TUSC3: variants seen among roughly 807,000 people sequenced by gnomAD.
The protein encoded by TUSC3 is tumor suppressor candidate 3.
Under a neutral mutation model 44.8 loss-of-function variants are expected in TUSC3, and 45 were observed. The observed-to-expected ratio is 1.00, with a 90% CI of 0.79 to 1.29. TUSC3 has a LOEUF of 1.29. Ranked by LOEUF, TUSC3 falls within the 50% of genes most tolerant of loss-of-function variation. TUSC3 has a pLI of 0.00. For synonymous variants in TUSC3, 212 were observed against 152.9 expected (o/e 1.39, Z -2.85); for missense variants, 519 against 437.9 (o/e 1.19, Z -1.65).
intron 6 of TUSC3, among the ~76,000 whole-genome samples, chr8:15,719,533 C>T (rs960890940): frequency 1.1e-4 from 17 of 147,898 alleles, no homozygotes; most frequent in Non-Finnish European, 2.1e-4. Context: ...CACACACACA[C>T]ACACACACAC....
At chr8:15,460,742 C>T (rs1238352643) in intron 1 of TUSC3, among the ~76,000 whole-genome samples, 2 of 152,146 alleles carry the variant, frequency 1.3e-5, no homozygotes, top group Non-Finnish European at 2.9e-5. Context: ...CATTCTCCTA[C>T]ATGTGGTTAG....
chr8:15,656,006 C>A (rs1413756449), intron 3 of TUSC3, among the ~76,000 whole-genome samples: 1 of 152,086 alleles, frequency 6.6e-6, no homozygotes, highest in East Asian at 1.9e-4. Flanking sequence ...TAACCATTGT[C>A]TTAGTTCATT....
At chr8:15,576,292 AT>A (rs1296664535) in intron 1 of TUSC3, among the ~76,000 whole-genome samples, 4 of 70,112 alleles carry the variant, frequency 5.7e-5, no homozygotes, top group African/African-American at 1.5e-4. Flanking sequence ...TTTTTTTTTT[AT>A]TTTTTTATTT....
chr8:15,824,675 G>C, the TUSC3 span, among the ~76,000 whole-genome samples: 1 of 152,200 alleles, frequency 6.6e-6, no homozygotes, highest in African/African-American at 2.4e-5. Flanking sequence ...GAGTTAATGG[G>C]TGCAGCACAC....
At chr8:15,583,416 T>C (rs950445417) in intron 1 of TUSC3, among the ~76,000 whole-genome samples, 5 of 152,178 alleles carry the variant, frequency 3.3e-5, no homozygotes, top group Non-Finnish European at 7.3e-5. Flanking sequence ...AAAATCCTGC[T>C]ACATGAGGAT....
At chr8:15,613,715 T>C (rs1804861347) in intron 1 of TUSC3, among the ~76,000 whole-genome samples, 2 of 152,206 alleles carry the variant, frequency 1.3e-5, no homozygotes, top group South Asian at 2.1e-4. Context: ...CAAATACATA[T>C]AGCATTATCT....
chr8:15,581,801 G>C (rs577327292), intron 1 of TUSC3, among the ~76,000 whole-genome samples: 19 of 134,004 alleles, frequency 1.4e-4, no homozygotes, highest in African/African-American at 6.0e-4. Context: ...CAGAGGTGGA[G>C]CCTACAGAGG....
At chr8:15,812,149 C>T in the TUSC3 span, among the ~76,000 whole-genome samples, 2 of 152,146 alleles carry the variant, frequency 1.3e-5, no homozygotes, top group Non-Finnish European at 2.9e-5. Flanking sequence ...CATTAAAGTG[C>T]ATCTTAAGTT....
At chr8:15,622,722 C>G (rs1309051945) in intron 1 of TUSC3, among the ~76,000 whole-genome samples, 4 of 152,160 alleles carry the variant, frequency 2.6e-5, no homozygotes, top group African/African-American at 7.2e-5. Flanking sequence ...TGATGTTTGG[C>G]TAGACTAGAG....
At chr8:15,806,987 C>A in the TUSC3 span, 1 of 1,460,604 alleles carries the variant, frequency 6.8e-7, no homozygotes, top group Non-Finnish European at 9.6e-7. Context: ...GTTCTGATTC[C>A]ATTCTTTACA....
At position 15,520,673 on chromosome 8, in the gene TUSC3, T is replaced by C. The variant is rs79946558; in HGVS notation, n.189+37190T>C. Among the ~76,000 whole-genome samples the C allele has an allele frequency of 9.3e-3, 1,420 of 152,306 alleles. 22 individuals are homozygous for C. The highest frequency in any genetic ancestry group is 0.032 in the African/African-American group (1,342 of 41,574). On this transcript the variant is annotated intron_variant and non_coding_transcript_variant, in intron 2 of 5. Transcript: ENST00000503191. ...GAGATTCACAGGTTTAACTCCTCCA[T>C]AGTTTTCCTCATGCATTCATATTTC...
At chr8:15,485,995 T>C (rs1157910286) in intron 2 of TUSC3, among the ~76,000 whole-genome samples, 2 of 152,104 alleles carry the variant, frequency 1.3e-5, no homozygotes, top group African/African-American at 4.8e-5. Flanking sequence ...GGTTTCGCCA[T>C]GTTGGGCAGG....
chr8:15,841,956 T>C, the TUSC3 span, among the ~76,000 whole-genome samples: 1 of 152,232 alleles, frequency 6.6e-6, no homozygotes, highest in Non-Finnish European at 1.5e-5. Context: ...ATTTCCCTGA[T>C]GTGTTCTTTA....
intron 6 of TUSC3, among the ~76,000 whole-genome samples, chr8:15,693,487 G>C (rs1809013829): frequency 8.7e-6 from 1 of 115,502 alleles, no homozygotes; most frequent in Non-Finnish European, 1.7e-5. Context: ...AATATAGGTT[G>C]AATCTCTCCT....
chr8:15,434,078 A>G (rs139801747), intron 1 of TUSC3, among the ~76,000 whole-genome samples: 93 of 152,338 alleles, frequency 6.1e-4, no homozygotes, highest in African/African-American at 2.2e-3. Flanking sequence ...CTCAATAGCA[A>G]CGTGAGAGAA....
chr8:15,845,255 G>C, the TUSC3 span, among the ~76,000 whole-genome samples: 5 of 152,246 alleles, frequency 3.3e-5, no homozygotes, highest in East Asian at 9.7e-4. Flanking sequence ...GCTCCAACCA[G>C]GTAGCCATGT....
chr8:15,507,380 C>CT (rs1285171624), intron 2 of TUSC3, among the ~76,000 whole-genome samples: 1 of 152,016 alleles, frequency 6.6e-6, no homozygotes, highest in African/African-American at 2.4e-5. Flanking sequence ...CTTTATAGTT[C>CT]ATGCCTTATC....
intron 2 of TUSC3, among the ~76,000 whole-genome samples, chr8:15,517,515 C>T (rs1801234158): frequency 1.0e-5 from 1 of 98,330 alleles, no homozygotes; most frequent in Admixed American, 1.6e-4. Flanking sequence ...TAACATTTAG[C>T]GTGAGGCAAA....
In TUSC3 at chr8:15,659,390, C is replaced by G. The variant is rs1015346593; in HGVS notation, c.427-117C>G. ...AAAACAGAAATTTACCTCTGGAAAA[C>G]CACTTGGATTTTCATAATAAATGCT... On this transcript the variant is annotated intron_variant, in intron 3 of 10. Coordinates refer to ENST00000503731, the MANE Select transcript of TUSC3 (RefSeq NM_006765.4). 51 of 1,321,396 alleles carry G rather than the reference C, an allele frequency of 3.9e-5. No individual in the cohort carries two copies. The Middle Eastern group carries it at 1.2e-3, about 31-fold the overall frequency. 81.9% of individuals were successfully genotyped at this position (1,321,396 alleles called of 1,614,324 possible).
Sources: gnomAD v4.1 joint callset for allele counts (sites outside exome capture counted in the v4.1 genomes callset) on GRCh38, gnomAD v4.1.1 for gene constraint, MANE v1.5 for transcripts, NCBI Gene and HGNC (gene_info 2026-07-23, HGNC 2026-07-21) for gene names.